The following UTS2B variants were observed in gnomAD, a reference collection of about 807,000 sequenced individuals.
UTS2B encodes urotensin 2B.
UTS2B carries 21 observed loss-of-function variants against 19.2 expected under a neutral mutation model. That is an observed-to-expected ratio of 1.09 (90% CI 0.78 to 1.58). The LOEUF is 1.58. UTS2B is among the 40% of genes most tolerant of loss of function. UTS2B has a pLI of 0.00. For missense variants in UTS2B, 138 were observed against 130.3 expected (o/e 1.06, Z -0.29); for synonymous variants, 57 against 50.2 (o/e 1.14, Z -0.58).
At chr3:191,313,081 G>C (rs1717348543) in intron 3 of UTS2B, among the ~76,000 whole-genome samples, 1 of 151,340 alleles carries the variant, frequency 6.6e-6, no homozygotes, top group Non-Finnish European at 1.5e-5. Flanking sequence ...TGTGATCTCG[G>C]CCTCCCTGGT....
chr3:191,292,119 GA>G lies in UTS2B; in HGVS notation c.-124-9807del, dbSNP rs58089139. ...TTGTAGGATCAGCTTGCCAATTTCT[GA>G]AAAAAAAAAAAGAGGTTGCAGGAGG... On this transcript the variant is annotated intron_variant, in intron 4 of 8. Coordinates refer to ENST00000340524, the MANE Select transcript of UTS2B (RefSeq NM_198152.5). Among the ~76,000 whole-genome samples, 26 of 146,008 alleles carry G rather than the reference GA, an allele frequency of 1.8e-4. 1 individual carries two copies. The highest frequency in any genetic ancestry group is 4.4e-4 in the South Asian group (2 of 4,596).
chr3:191,319,215 C>T (rs1430229731), intron 2 of UTS2B, among the ~76,000 whole-genome samples: 1 of 152,160 alleles, frequency 6.6e-6, no homozygotes, highest in African/African-American at 2.4e-5. Flanking sequence ...TACTCTAGTC[C>T]CTGCCAAGCT....
rs1717874177 is a variant in UTS2B at position 191,329,593 on chromosome 3, G to A, written c.-665+821C>T. On this transcript the variant is annotated intron_variant, in intron 1 of 8. Coordinates refer to ENST00000340524, the MANE Select transcript of UTS2B (RefSeq NM_198152.5). ...CGGACTTTGCGCCGCGTCCGGCGCT[G>A]CTGCTGCGCTCGGGGCCCCGCTCGG... 4 of 1,468,678 alleles carry A rather than the reference G, an allele frequency of 2.7e-6. No homozygotes were observed. The African/African-American group carries it at 5.7e-5, about 21-fold the overall frequency. 91.0% of individuals were successfully genotyped at this position (1,468,678 alleles called of 1,614,324 possible).
the UTS2B span, among the ~76,000 whole-genome samples, chr3:191,336,464 T>C: frequency 2.0e-5 from 3 of 152,198 alleles, no homozygotes; most frequent in East Asian, 3.8e-4. Context: ...GCTATTCTTA[T>C]ATTGTTTGTT....
chr3:191,314,001 G>C (rs955199582), intron 3 of UTS2B, among the ~76,000 whole-genome samples: 1 of 152,094 alleles, frequency 6.6e-6, no homozygotes, highest in African/African-American at 2.4e-5. Flanking sequence ...AAAGTGCTGG[G>C]ATTACAGGCA....
intron 2 of UTS2B, among the ~76,000 whole-genome samples, chr3:191,322,739 A>G (rs1717642874): frequency 6.6e-6 from 1 of 152,244 alleles, no homozygotes; most frequent in Non-Finnish European, 1.5e-5. Context: ...AATATCTTTG[A>G]GAAAATGAAG....
chr3:191,273,412 C>A, intron 8 of UTS2B: 1 of 451,206 alleles, frequency 2.2e-6, no homozygotes, highest in Non-Finnish European at 4.5e-6. Context: ...TGGTGGTAGT[C>A]CCAGTGACTA....
chr3:191,285,540 A>G (rs373386620), intron 4 of UTS2B, among the ~76,000 whole-genome samples: 88 of 152,366 alleles, frequency 5.8e-4, no homozygotes, highest in African/African-American at 1.9e-3. Flanking sequence ...AAAGACATAG[A>G]TGAATAAAAA....
intron 4 of UTS2B, among the ~76,000 whole-genome samples, chr3:191,295,331 G>A (rs918901168): frequency 1.3e-5 from 2 of 151,780 alleles, no homozygotes; most frequent in Admixed American, 1.3e-4. Flanking sequence ...ATTTTCCTGG[G>A]TATCTCTGCA....
At chr3:191,329,761 C>G (rs764136372) in intron 1 of UTS2B, 7 of 1,592,360 alleles carry the variant, frequency 4.4e-6, no homozygotes, top group African/African-American at 1.3e-5. Flanking sequence ...GGACCCTCCC[C>G]TCTCCCAGCC....
chr3:191,270,699 C>T (rs955442581), intron 8 of UTS2B, among the ~76,000 whole-genome samples: 3 of 152,140 alleles, frequency 2.0e-5, no homozygotes, highest in Non-Finnish European at 4.4e-5. Context: ...CAATCCTTGG[C>T]AAGGCCATTA....
chr3:191,307,409 T>C (rs1363151900), intron 3 of UTS2B, among the ~76,000 whole-genome samples: 2 of 152,180 alleles, frequency 1.3e-5, no homozygotes, highest in Non-Finnish European at 2.9e-5. Context: ...TATTGCTTTA[T>C]TGAAAGGCAC....
Position 191,282,185 on chromosome 3 carries a change from T to C in UTS2B, c.5A>G (p.Asn2Ser), listed in dbSNP as rs1181450562. Reference protein sequence around the residue: MNKILSSTVCFG... With the variant: MSKILSSTVCFG... ...GCAAACAGTGCTTGAGAGGATCTTG[T>C]TCATGTTAAAAAAAACCTTCTGGAC... Residue 2 changes from asparagine to serine, a missense_variant, in exon 5 of 9, where the codon AAC becomes AGC. Coordinates refer to ENST00000340524, the MANE Select transcript of UTS2B (RefSeq NM_198152.5). 1 of 1,608,496 alleles carries C rather than the reference T, an allele frequency of 6.2e-7. No homozygotes were observed. Among genetic ancestry groups the C allele is most frequent in the Non-Finnish European group, 8.5e-7 (1 of 1,177,726 alleles).
intron 2 of UTS2B, among the ~76,000 whole-genome samples, chr3:191,324,483 G>A (rs918960830): frequency 3.0e-4 from 45 of 152,188 alleles, no homozygotes; most frequent in African/African-American, 8.7e-4. Context: ...TTATGGAGGC[G>A]GATCTTTCCC....
intron 3 of UTS2B, among the ~76,000 whole-genome samples, chr3:191,307,746 T>A (rs2108599668): frequency 6.6e-6 from 1 of 152,334 alleles, no homozygotes; most frequent in East Asian, 1.9e-4. Context: ...GTTCTACCAA[T>A]ACACCATTGC....
At chr3:191,338,110 A>G in the UTS2B span, among the ~76,000 whole-genome samples, 3 of 152,148 alleles carry the variant, frequency 2.0e-5, no homozygotes, top group African/African-American at 7.2e-5. Context: ...TTAACTGCAT[A>G]TAGTAAAACT....
intron 4 of UTS2B, 150 bp from the exon 5 acceptor site, chr3:191,282,463 C>T (rs7633752): frequency 0.52 from 146,426 of 279,512 alleles, 40,817 homozygotes; most frequent in Non-Finnish European, 0.59. Flanking sequence ...TACCCGCCCA[C>T]TTCACTAAAA....
intron 5 of UTS2B, among the ~76,000 whole-genome samples, chr3:191,280,808 T>A (rs1052776230): frequency 3.3e-5 from 5 of 152,156 alleles, no homozygotes; most frequent in African/African-American, 1.2e-4. Context: ...ATCACATTTT[T>A]CCTCCCATAT....
At chr3:191,311,266 A>G (rs940569684) in intron 3 of UTS2B, among the ~76,000 whole-genome samples, 12 of 152,250 alleles carry the variant, frequency 7.9e-5, no homozygotes, top group African/African-American at 2.2e-4. Context: ...TCAAATGGTT[A>G]CAGGTTTCTG....
Sources: allele counts gnomAD v4.1 joint callset (sites outside exome capture counted in the v4.1 genomes callset), GRCh38; gene constraint gnomAD v4.1.1; transcripts MANE v1.5; gene names NCBI Gene and HGNC (gene_info 2026-07-23, HGNC 2026-07-21).